Variants in OPHN1 observed in about 807,000 individuals in gnomAD.
The protein encoded by OPHN1 is oligophrenin 1, also known as oligophrenin-1.
OPHN1 carries 11 observed loss-of-function variants against 60.7 expected under a neutral mutation model. The ratio of observed to expected loss-of-function variants is 0.18; its 90% CI spans 0.11 to 0.30. The LOEUF is 0.30. OPHN1 is among the 10% of genes least tolerant of loss of function. The pLI, the probability that OPHN1 is intolerant of heterozygous loss-of-function variation, is 1.00. For synonymous variants in OPHN1, 226 were observed against 222.6 expected, an observed-to-expected ratio of 1.02 and a Z score of -0.14; for missense variants, 449 against 611.0, an observed-to-expected ratio of 0.73 and a Z score of 2.80.
chrX:68,226,846 C>T (rs1260335816), intron 6 of OPHN1, among the ~76,000 whole-genome samples: 4 of 111,625 alleles, frequency 3.6e-5, no homozygotes, highest in East Asian at 2.8e-4. Context: ...AACCAGCGAA[C>T]ATCATAATCA....
chrX:68,250,414 A>G (rs2077827795), intron 5 of OPHN1, among the ~76,000 whole-genome samples: 1 of 111,773 alleles, frequency 8.9e-6, no homozygotes, highest in Admixed American at 9.5e-5. Flanking sequence ...TTAGAGTTGA[A>G]AACAAGGCTC....
At chrX:68,228,298 G>A (rs1487910523) in intron 6 of OPHN1, among the ~76,000 whole-genome samples, 1 of 111,910 alleles carries the variant, frequency 8.9e-6, no homozygotes, top group Admixed American at 9.5e-5. Flanking sequence ...TCCAGGACCA[G>A]ATGGATTCAC....
At chrX:68,378,976 A>T (rs9699179) in intron 2 of OPHN1, among the ~76,000 whole-genome samples, 19,012 of 110,080 alleles carry the variant, frequency 0.17, 1,693 homozygotes, top group African/African-American at 0.34. Context: ...GAAGAAAGTC[A>T]TTGGTAGCTT....
intron 6 of OPHN1, among the ~76,000 whole-genome samples, chrX:68,217,246 G>C (rs1261440481): frequency 1.8e-5 from 2 of 112,232 alleles, no homozygotes; most frequent in African/African-American, 6.5e-5. Flanking sequence ...AGCACCACGA[G>C]ATTATATCCC....
intron 2 of OPHN1, among the ~76,000 whole-genome samples, chrX:68,358,270 G>A (rs1003148697): frequency 4.5e-5 from 5 of 110,629 alleles, no homozygotes; most frequent in Non-Finnish European, 9.5e-5. Context: ...GCAGTGAGTC[G>A]AGATTACACC....
At position 68,397,338 on chromosome X, in the gene OPHN1, G is replaced by C. The variant is rs190028835; in HGVS notation, c.154+35529C>G. On this transcript the variant is annotated intron_variant, in intron 2 of 24. Coordinates refer to ENST00000355520, the MANE Select transcript of OPHN1 (RefSeq NM_002547.3). ...TCAGTGCCCCAGGCTTCTTATCGGA[G>C]AACATCATTAACTTTTTCAATTGCA... Among the ~76,000 whole-genome samples the C allele has an allele frequency of 2.7e-5, 3 of 109,876 alleles. No homozygotes were observed. The East Asian group carries it at 8.7e-4, about 32-fold the overall frequency.
At chrX:68,354,155 TATG>T (rs1230439153) in intron 2 of OPHN1, among the ~76,000 whole-genome samples, 1 of 110,788 alleles carries the variant, frequency 9.0e-6, no homozygotes, top group East Asian at 2.8e-4. Context: ...TTTGAGAAGT[TATG>T]ATAAGGCCAG....
intron 18 of OPHN1, chrX:68,102,035 T>C (rs1372875400): frequency 4.4e-5 from 5 of 112,419 alleles, no homozygotes; most frequent in South Asian, 3.7e-4. Context: ...TGGTCTTCTC[T>C]TGTTGGTAAA....
chrX:68,250,217 G>C (rs757296342), intron 5 of OPHN1, among the ~76,000 whole-genome samples: 10 of 112,293 alleles, frequency 8.9e-5, no homozygotes, highest in Non-Finnish European at 1.5e-4. Flanking sequence ...TCAAGCCAAG[G>C]ATTATAAACC....
chrX:68,171,266 AAATT>A (rs903816270), intron 15 of OPHN1, among the ~76,000 whole-genome samples: 1 of 111,169 alleles, frequency 9.0e-6, no homozygotes, highest in Non-Finnish European at 1.9e-5. Flanking sequence ...GTACACACAA[AAATT>A]AATAATTTTA....
rs747973715 is a variant in OPHN1, at chrX:68,073,198, C to A, written c.1788G>T (p.Leu596=). The change falls in exon 20 of 25, where the codon CTG becomes CTT. Residue 596 remains leucine, a synonymous_variant. Coordinates refer to ENST00000355520, the MANE Select transcript of OPHN1 (RefSeq NM_002547.3). ...AAGTATAGAAAACCGTCCTTTCTCG[C>A]AGCAAGCGCTTTGAAATCGTGATTG... The part of the protein sequence containing the change: ...HKPITISKRL[L]RERTVFYTSS... 22 of 1,210,273 alleles carry A rather than the reference C, an allele frequency of 1.8e-5. No individual in the cohort carries two copies. The highest frequency in any genetic ancestry group is 2.5e-5 in the Non-Finnish European group (22 of 895,248).
chrX:68,389,815 A>G (rs2078644838), intron 2 of OPHN1, among the ~76,000 whole-genome samples: 1 of 110,485 alleles, frequency 9.1e-6, no homozygotes, highest in Non-Finnish European at 1.9e-5. Flanking sequence ...GGATAATAAT[A>G]GCATTTACCA....
intron 20 of OPHN1, chrX:68,071,308 T>C: frequency 1.3e-6 from 1 of 766,850 alleles, no homozygotes; most frequent in East Asian, 3.2e-5. Context: ...ATTCCCTAGC[T>C]TGGAAAGTGA....
chrX:68,185,410 G>C (rs1221656335), intron 15 of OPHN1, among the ~76,000 whole-genome samples: 1 of 111,806 alleles, frequency 8.9e-6, no homozygotes, highest in Non-Finnish European at 1.9e-5. Flanking sequence ...TAGAGATCCA[G>C]GCATCTAGTA....
chrX:68,133,236 TGAA>T lies in OPHN1; in HGVS notation c.1277-13907_1277-13905del, dbSNP rs941363274. The T allele has an allele frequency of 4.1e-5, 28 of 688,716 alleles. No homozygotes were observed. In the Admixed American group the frequency reaches 5.6e-4, roughly 14 times the overall value. The allele number at this position is 688,716 out of a possible 1,213,427, so 56.8% of individuals were successfully genotyped here. On this transcript the variant is annotated intron_variant, in intron 15 of 24. Coordinates refer to ENST00000355520, the MANE Select transcript of OPHN1 (RefSeq NM_002547.3). ...CCTAGCTCTCCAGGTTCCTCATGGA[TGAA>T]GAAGGACCAGCCCACATTTACCCTC...
At chrX:68,232,548 T>G in intron 6 of OPHN1, among the ~76,000 whole-genome samples, 1 of 111,881 alleles carries the variant, frequency 8.9e-6, no homozygotes, top group Non-Finnish European at 1.9e-5. Flanking sequence ...AGGCACACTC[T>G]GCCCAGCACA....
chrX:68,407,979 G>A (rs751212300), intron 2 of OPHN1, among the ~76,000 whole-genome samples: 32 of 112,188 alleles, frequency 2.9e-4, no homozygotes, highest in Non-Finnish European at 5.4e-4. Context: ...GTTGGTGGTG[G>A]TGTTGTTTAG....
intron 19 of OPHN1, among the ~76,000 whole-genome samples, chrX:68,073,960 C>T (rs1230613391): frequency 8.9e-6 from 1 of 112,313 alleles, no homozygotes; most frequent in Non-Finnish European, 1.9e-5. Flanking sequence ...CAACACAGTG[C>T]CTTGGATGCT....
At chrX:68,239,298 C>T (rs28781967) in intron 5 of OPHN1, among the ~76,000 whole-genome samples, 6,101 of 110,424 alleles carry the variant, frequency 0.055, 428 homozygotes, top group African/African-American at 0.19. Flanking sequence ...CTGGTGTCTG[C>T]GGCTGTGTTC....
Sources: gnomAD v4.1 joint callset for allele counts (sites outside exome capture counted in the v4.1 genomes callset) on GRCh38, gnomAD v4.1.1 for gene constraint, MANE v1.5 for transcripts, NCBI Gene and HGNC (gene_info 2026-07-23, HGNC 2026-07-21) for gene names.